Variants in CHRNA5 observed in about 807,000 individuals in gnomAD.
CHRNA5 encodes neuronal acetylcholine receptor subunit alpha-5.
Under a neutral mutation model 41.2 loss-of-function variants are expected in CHRNA5, and 28 were observed. The observed-to-expected ratio is 0.68, with a 90% CI of 0.50 to 0.93. The LOEUF (loss-of-function observed/expected upper bound fraction) is 0.93. Ranked by LOEUF, CHRNA5 falls within the 40% of genes least tolerant of loss-of-function variation. The probability of loss-of-function intolerance (pLI) is 0.00; values close to 1 mark genes in which losing one functional copy is unlikely to be tolerated. For missense variants in CHRNA5, 481 were observed against 581.9 expected, an observed-to-expected ratio of 0.83 and a Z score of 1.78; for synonymous variants, 188 against 205.8, an observed-to-expected ratio of 0.91 and a Z score of 0.74.
chr15:78,593,086 T>G lies in CHRNA5; in HGVS notation c.1246-6T>G, dbSNP rs2053037105. The stretch of plus-strand genomic sequence containing the variant: ...ATTTAATGCATTTTTATTTTTTTCC[T>G]AACAGGTTGTTGAAGATTGGAAATT... On this transcript the variant is annotated splice_polypyrimidine_tract_variant and splice_region_variant and intron_variant, in intron 5 of 5. Coordinates refer to ENST00000299565, the Ensembl canonical transcript of CHRNA5. 6.3e-7 allele frequency: 1 copy of G among 1,599,396 alleles called. No homozygotes were observed. Among genetic ancestry groups the G allele is most frequent in the African/African-American group, 1.4e-5 (1 of 73,770 alleles).
In CHRNA5 at chr15:78,585,791, C is replaced by CCTTTTTTT. The variant is rs1555415937; in HGVS notation, c.259-854_259-853insCTTTTTTT. Among the ~76,000 whole-genome samples the CCTTTTTTT allele has an allele frequency of 3.8e-5, 5 of 130,612 alleles. No individual in the cohort carries two copies. The East Asian group carries it at 1.2e-3, about 31-fold the overall frequency. 85.7% of individuals were successfully genotyped at this position (130,612 alleles called of 152,430 possible). A position where few individuals can be genotyped will look rare whatever the true frequency, so the allele number is the denominator to read the frequency against. ...TTTTTCTTTTTCTTTTCTTTTCTTT[C>CCTTTTTTT]TTTTTTTTTTTGAGATGGAGTCTCG... On this transcript the variant is annotated intron_variant, in intron 2 of 5. Coordinates refer to ENST00000299565, the Ensembl canonical transcript of CHRNA5.
chr15:78,566,435 A>G (rs1381322285), intron 1 of CHRNA5, among the ~76,000 whole-genome samples: 2 of 152,228 alleles, frequency 1.3e-5, no homozygotes, highest in East Asian at 3.8e-4. Context: ...CTGTTTTTCA[A>G]GAGGTTTTGG....
chr15:78,565,779 C>A, exon 1 of CHRNA5: 2 of 1,220,110 alleles, frequency 1.6e-6, no homozygotes, highest in South Asian at 8.3e-5. Flanking sequence ...TCCAGCTGGT[C>A]GCGGGGCGCT....
rs2052991524 is a variant in CHRNA5, at chr15:78,589,622, T to C, written c.414-183T>C. On this transcript the variant is annotated intron_variant, in intron 4 of 5. Transcript: ENST00000299565. ...GGTTCAGTTCTAGTAGAGTTAGATA[T>C]TTAAGGAAGATATTCCTGGAGCAGG... The C allele has an allele frequency of 7.4e-6, 4 of 539,846 alleles. No individual in the cohort carries two copies. In the East Asian group the frequency reaches 1.2e-4, roughly 17 times the overall value. The allele number at this position is 539,846 out of a possible 1,614,324, so 33.4% of individuals were successfully genotyped here. A position where few individuals can be genotyped will look rare whatever the true frequency, so the allele number is the denominator to read the frequency against.
chr15:78,588,296 G>GA lies in CHRNA5; in HGVS notation c.304-17dup. On this transcript the variant is annotated splice_polypyrimidine_tract_variant and intron_variant, in intron 3 of 5. Coordinates refer to ENST00000299565, the Ensembl canonical transcript of CHRNA5. This position sits in a 1 kb window ranked among gnomAD's most constrained non-coding sequence, Gnocchi z 4.1. ...TATTAGTTTTATTGAAATTGAGGCA[G>GA]ATTTCTTTGTTTTAAAGGAATGGAT... 7.6e-7 allele frequency: 1 copy of GA among 1,321,180 alleles called. No homozygotes were observed. The highest frequency in any genetic ancestry group is 1.1e-6 in the Non-Finnish European group (1 of 946,142). The allele number at this position is 1,321,180 out of a possible 1,614,324, so 81.8% of individuals were successfully genotyped here.
At chr15:78,593,716 ATAATTACT>A (rs1473831451) in exon 6 of CHRNA5, 1 of 152,414 alleles carries the variant, frequency 6.6e-6, no homozygotes, top group Non-Finnish European at 1.5e-5. Flanking sequence ...ACTACTTGAT[ATAATTACT>A]TAATGTGATG....
chr15:78,584,107 G>A (rs568306812), intron 2 of CHRNA5, among the ~76,000 whole-genome samples: 1 of 152,304 alleles, frequency 6.6e-6, no homozygotes. Flanking sequence ...TACGAAAGCA[G>A]AAGAGGACTG....
intron 2 of CHRNA5, among the ~76,000 whole-genome samples, chr15:78,585,631 T>G (rs930544843): frequency 6.6e-5 from 10 of 152,140 alleles, no homozygotes; most frequent in African/African-American, 2.4e-4. Context: ...CTTGAATATT[T>G]GGTAAAGGAC....
chr15:78,582,531 C>T (rs1284653772), intron 2 of CHRNA5, among the ~76,000 whole-genome samples: 1 of 151,110 alleles, frequency 6.6e-6, no homozygotes, highest in Admixed American at 6.6e-5. Context: ...GTGGGGCTTG[C>T]TCTCAAAGAT....
chr15:78,571,283 C>CTA (rs1300883508), intron 1 of CHRNA5, among the ~76,000 whole-genome samples: 1 of 152,146 alleles, frequency 6.6e-6, no homozygotes, highest in Non-Finnish European at 1.5e-5. Flanking sequence ...CAATGTAAGG[C>CTA]TAATAGAAGC....
intron 1 of CHRNA5, 126 bp from the exon 2 acceptor site, chr15:78,580,685 G>T: frequency 1.7e-6 from 1 of 596,620 alleles, no homozygotes; most frequent in Non-Finnish European, 2.8e-6. Context: ...GGCCCAGGTT[G>T]GAGTGCAGTG....
intron 1 of CHRNA5, among the ~76,000 whole-genome samples, chr15:78,571,399 G>A (rs113930642): frequency 6.6e-6 from 1 of 152,062 alleles, no homozygotes; most frequent in Admixed American, 6.5e-5. Flanking sequence ...ATCTCTAAGG[G>A]GGAAATTTGC....
chr15:78,586,793 C>A, intron 3 of CHRNA5, 104 bp downstream of exon 3: 1 of 834,772 alleles, frequency 1.2e-6, no homozygotes, highest in Non-Finnish European at 2.0e-6. Flanking sequence ...TTTGTGAATA[C>A]AAATGAATAC....
chr15:78,592,761 G>T (rs1182133034), intron 5 of CHRNA5, among the ~76,000 whole-genome samples: 2 of 152,008 alleles, frequency 1.3e-5, no homozygotes, highest in Non-Finnish European at 2.9e-5. Flanking sequence ...ACACTACTGG[G>T]CAAGAATAAG....
chr15:78,575,843 G>A (rs1160508548), intron 1 of CHRNA5, among the ~76,000 whole-genome samples: 1 of 152,186 alleles, frequency 6.6e-6, no homozygotes, highest in African/African-American at 2.4e-5. Flanking sequence ...ATCCTATTAG[G>A]TGTGAAGTGC....
chr15:78,580,912 G>A (rs1420220444), exon 2 of CHRNA5: 7 of 1,614,008 alleles, frequency 4.3e-6, no homozygotes, highest in African/African-American at 2.7e-5. Flanking sequence ...ACACCTGAAT[G>A]ACAAAATAAA....
intron 1 of CHRNA5, among the ~76,000 whole-genome samples, chr15:78,569,048 C>G (rs182184485): frequency 6.6e-6 from 1 of 152,080 alleles, no homozygotes; most frequent in Admixed American, 6.6e-5. Context: ...TATGTCCTTA[C>G]GTAAACTTTA....
chr15:78,565,877 C>T, intron 1 of CHRNA5, 52 bp downstream of exon 1: 3 of 1,108,232 alleles, frequency 2.7e-6, no homozygotes, highest in Non-Finnish European at 3.4e-6. Flanking sequence ...GACTCCACAT[C>T]GCGGTGCCCA....
chr15:78,593,175 T>G, exon 6 of CHRNA5: 2 of 1,613,972 alleles, frequency 1.2e-6, no homozygotes, highest in Non-Finnish European at 1.7e-6. Context: ...TTGTTGGATC[T>G]CTTGGGCTTT....
Sources: gnomAD v4.1 joint callset for allele counts (sites outside exome capture counted in the v4.1 genomes callset) on GRCh38, gnomAD v4.1.1 for gene constraint, Gnocchi (gnomAD v3.1) non-coding constraint, MANE v1.5 for transcripts, NCBI Gene and HGNC (gene_info 2026-07-23, HGNC 2026-07-21) for gene names.